Variants in RTL9 observed in about 807,000 individuals in gnomAD.
RTL9 encodes retrotransposon Gag-like protein 9.
A neutral mutation model predicts 44.7 loss-of-function variants in RTL9; 19 were observed. That is an observed-to-expected ratio of 0.42 (90% CI 0.30 to 0.62). RTL9 has a LOEUF of 0.62. Ranked by LOEUF, RTL9 falls within the 20% of genes least tolerant of loss-of-function variation. The probability of loss-of-function intolerance (pLI) is 0.16; values close to 1 mark genes in which losing one functional copy is unlikely to be tolerated. For synonymous variants in RTL9, 407 were observed against 398.9 expected (o/e 1.02, Z -0.24); for missense variants, 1,105 against 1,080.6 (o/e 1.02, Z -0.32).
intron 1 of RTL9, among the ~76,000 whole-genome samples, chrX:110,404,130 GTT>G (rs919568894): frequency 1.8e-5 from 2 of 112,479 alleles, no homozygotes; most frequent in Non-Finnish European, 3.8e-5. Flanking sequence ...GCTACCATTC[GTT>G]TATTCTGTGC....
chrX:110,416,257 G>A (rs984047510), upstream of RTL9, among the ~76,000 whole-genome samples: 1 of 111,855 alleles, frequency 8.9e-6, no homozygotes, highest in African/African-American at 3.3e-5. Context: ...GGTTCCATGG[G>A]CACACACTAA....
intron 1 of RTL9, among the ~76,000 whole-genome samples, chrX:110,391,355 G>A (rs2068492392): frequency 8.9e-6 from 1 of 111,866 alleles, no homozygotes; most frequent in Non-Finnish European, 1.9e-5. Context: ...CATCATGCTT[G>A]GGGGCACCAC....
intron 1 of RTL9, among the ~76,000 whole-genome samples, chrX:110,413,800 C>G (rs2068658599): frequency 1.8e-5 from 2 of 111,274 alleles, no homozygotes; most frequent in African/African-American, 6.6e-5. Context: ...CACCTTACTA[C>G]CTTCCCTCTC....
chrX:110,399,997 C>T (rs1430044958), intron 1 of RTL9, among the ~76,000 whole-genome samples: 1 of 110,789 alleles, frequency 9.0e-6, no homozygotes, highest in East Asian at 2.8e-4. Context: ...TTCAATTCAA[C>T]CGACTTCATT....
At chrX:110,455,581 G>A (rs988642670) in exon 2 of RTL9, 4 of 267,759 alleles carry the variant, frequency 1.5e-5, no homozygotes, top group South Asian at 3.2e-4. Context: ...CATCACCACC[G>A]AGGCCAGTCC....
exon 1 of RTL9, chrX:110,453,069 A>C: frequency 8.3e-7 from 1 of 1,210,858 alleles, no homozygotes; most frequent in Non-Finnish European, 1.1e-6. Flanking sequence ...TTATGGAGCC[A>C]TGTCTGCTCC....
chrX:110,404,310 T>C (rs1011467533), intron 1 of RTL9, among the ~76,000 whole-genome samples: 6 of 111,832 alleles, frequency 5.4e-5, no homozygotes, highest in Non-Finnish European at 7.5e-5. Context: ...GGTTCTTTCC[T>C]TCCGAAATTG....
rs767704637 is a variant in RTL9 at position 110,406,376 on chromosome X, G to A, written c.-167-38777G>A. 9.1e-5 allele frequency among the ~76,000 whole-genome samples: 10 copies of A among 110,471 alleles called. No homozygotes were observed. In the South Asian group the frequency reaches 3.5e-3, roughly 39 times the overall value. On this transcript the variant is annotated intron_variant, in intron 1 of 2. Coordinates refer to the RTL9 transcript ENST00000520821. ...GCGGTGTTTGGTTTTCTGATCTTGC[G>A]ATAGTTTGCTGAGAATGATGGTTTC...
exon 1 of RTL9, chrX:110,450,711 A>C: frequency 8.3e-7 from 1 of 1,211,100 alleles, no homozygotes; most frequent in Non-Finnish European, 1.1e-6. Context: ...CTGTAGACCA[A>C]TGACAGAGAC....
intron 1 of RTL9, among the ~76,000 whole-genome samples, chrX:110,405,088 T>C (rs910629525): frequency 2.7e-4 from 20 of 74,064 alleles, no homozygotes; most frequent in East Asian, 4.3e-4. Context: ...GCTTGTTGTG[T>C]CCCCCCCCCC....
At chrX:110,432,798 G>A (rs749979562) in intron 1 of RTL9, among the ~76,000 whole-genome samples, 2 of 112,771 alleles carry the variant, frequency 1.8e-5, no homozygotes, top group South Asian at 3.6e-4. Context: ...TTCCAAGTGA[G>A]TGAAGTCCCA....
At chrX:110,453,000 C>T (rs868524096) in exon 1 of RTL9, 1 of 1,211,023 alleles carries the variant, frequency 8.3e-7, no homozygotes, top group African/African-American at 1.7e-5. Context: ...AGAGATGTCC[C>T]TACCACTAAT....
At chrX:110,388,610 C>A (rs941740285) in intron 1 of RTL9, among the ~76,000 whole-genome samples, 1 of 112,199 alleles carries the variant, frequency 8.9e-6, no homozygotes, top group African/African-American at 3.2e-5. Context: ...GGTTCTCAGG[C>A]GTGAGGATGC....
At chrX:110,369,412 G>A (rs1490310871) in intron 1 of RTL9, among the ~76,000 whole-genome samples, 1 of 111,848 alleles carries the variant, frequency 8.9e-6, no homozygotes, top group Non-Finnish European at 1.9e-5. Flanking sequence ...TTTTGAATAG[G>A]TATTAGGTGT....
chrX:110,383,824 A>T (rs768388197), intron 1 of RTL9, among the ~76,000 whole-genome samples: 29 of 111,835 alleles, frequency 2.6e-4, no homozygotes, highest in Middle Eastern at 4.6e-3. Flanking sequence ...CATCCTTATC[A>T]TGGCAAAACA....
upstream of RTL9, among the ~76,000 whole-genome samples, chrX:110,449,135 TG>T (rs765649019): frequency 9.1e-6 from 1 of 110,151 alleles, no homozygotes; most frequent in Non-Finnish European, 1.9e-5. Flanking sequence ...TATAGCACCT[TG>T]GTGAAGAGTA....
intron 1 of RTL9, among the ~76,000 whole-genome samples, chrX:110,442,776 A>G (rs1398103687): frequency 8.9e-6 from 1 of 111,743 alleles, no homozygotes; most frequent in Non-Finnish European, 1.9e-5. Flanking sequence ...TCTTATGAAT[A>G]GGTGACTATT....
At chrX:110,361,531 C>G (rs1221914255) in intron 1 of RTL9, among the ~76,000 whole-genome samples, 1 of 111,393 alleles carries the variant, frequency 9.0e-6, no homozygotes, top group Non-Finnish European at 1.9e-5. Flanking sequence ...CCATCTGACA[C>G]TCAGTAACAA....
chrX:110,453,685 C>T, exon 1 of RTL9: 2 of 1,212,034 alleles, frequency 1.7e-6, no homozygotes, highest in East Asian at 3.0e-5. Context: ...AGAGCCTCTG[C>T]TTCTGGAGCA....
Sources: gnomAD v4.1 joint callset for allele counts (sites outside exome capture counted in the v4.1 genomes callset) on GRCh38, gnomAD v4.1.1 for gene constraint, MANE v1.5 for transcripts, NCBI Gene and HGNC (gene_info 2026-07-23, HGNC 2026-07-21) for gene names.